CPA6: variants seen among roughly 807,000 people sequenced by gnomAD.
CPA6 encodes carboxypeptidase B.
A neutral mutation model predicts 63.3 loss-of-function variants in CPA6; 58 were observed. That is an observed-to-expected ratio of 0.92 (90% CI 0.74 to 1.14). The LOEUF (loss-of-function observed/expected upper bound fraction) is 1.14. Among genes scored for constraint, CPA6 ranks in the 50% most tolerant of loss-of-function variants. The pLI is 0.00. For synonymous variants in CPA6, 185 were observed against 179.0 expected, an observed-to-expected ratio of 1.03 and a Z score of -0.27; for missense variants, 565 against 526.6, an observed-to-expected ratio of 1.07 and a Z score of -0.71.
chr8:67,513,166 G>A (rs1046961987), intron 3 of CPA6, among the ~76,000 whole-genome samples: 4 of 152,160 alleles, frequency 2.6e-5, no homozygotes, highest in African/African-American at 9.7e-5. Context: ...TGAGTGGGAG[G>A]TTGTTGTTAG....
intron 1 of CPA6, among the ~76,000 whole-genome samples, chr8:67,733,827 G>A (rs1407766854): frequency 2.0e-5 from 3 of 149,176 alleles, no homozygotes; most frequent in Non-Finnish European, 3.0e-5. Context: ...GAGATAACTC[G>A]GGTCAAATGC....
chr8:67,720,036 G>T (rs1284707566), intron 1 of CPA6, among the ~76,000 whole-genome samples: 1 of 152,100 alleles, frequency 6.6e-6, no homozygotes, highest in Non-Finnish European at 1.5e-5. Context: ...AATCACCTGG[G>T]GGCAGGTGGG....
chr8:67,677,711 GA>G (rs1349578631), intron 1 of CPA6, among the ~76,000 whole-genome samples: 1 of 151,996 alleles, frequency 6.6e-6, no homozygotes, highest in African/African-American at 2.4e-5. Context: ...TGCTCCACTA[GA>G]AAGAAATAAT....
At chr8:67,567,420 A>C (rs1813366058) in intron 2 of CPA6, among the ~76,000 whole-genome samples, 1 of 152,238 alleles carries the variant, frequency 6.6e-6, no homozygotes, top group South Asian at 2.1e-4. Flanking sequence ...GCAATCATTG[A>C]CTTACCAATG....
Position 67,671,670 on chromosome 8 carries a change from A to G in CPA6, c.117-47419T>C, listed in dbSNP as rs185753639. Among the ~76,000 whole-genome samples the G allele has an allele frequency of 3.1e-3, 469 of 152,248 alleles. 2 individuals carry two copies. Among genetic ancestry groups the G allele is most frequent in the African/African-American group, 0.011 (444 of 41,554 alleles). On this transcript the variant is annotated intron_variant, in intron 1 of 10. Coordinates refer to ENST00000297770, the MANE Select transcript of CPA6 (RefSeq NM_020361.5). ...CAGAAGGCTTCTGAAAAATGCTTTT[A>G]TTTCCCTATTGCTAAGAAAACATTT...
intron 2 of CPA6, among the ~76,000 whole-genome samples, chr8:67,598,571 T>C (rs1814408844): frequency 6.6e-6 from 1 of 152,192 alleles, no homozygotes; most frequent in Admixed American, 6.5e-5. Context: ...TGCTGACATA[T>C]ATTTTAAAAT....
intron 2 of CPA6, among the ~76,000 whole-genome samples, chr8:67,612,127 T>A (rs1234486860): frequency 6.6e-6 from 1 of 152,200 alleles, no homozygotes; most frequent in African/African-American, 2.4e-5. Flanking sequence ...ACAAAATGAA[T>A]GGACTGTCTA....
intron 1 of CPA6, among the ~76,000 whole-genome samples, chr8:67,742,128 T>C (rs200580614): frequency 6.6e-6 from 1 of 150,568 alleles, no homozygotes; most frequent in African/African-American, 2.4e-5. Context: ...TGTTCTACTT[T>C]TGTGTGTGTG....
intron 2 of CPA6, among the ~76,000 whole-genome samples, chr8:67,577,249 A>ACT (rs1420192630): frequency 3.9e-5 from 6 of 152,180 alleles, no homozygotes; most frequent in Non-Finnish European, 8.8e-5. Flanking sequence ...CATTTCAAAG[A>ACT]CATGAGGGTA....
Position 67,637,571 on chromosome 8 carries a change from C to T in CPA6, c.117-13320G>A, listed in dbSNP as rs369192658. Among the ~76,000 whole-genome samples, 22 of 151,408 alleles carry T rather than the reference C, an allele frequency of 1.5e-4. 2 individuals carry two copies. The highest frequency in any genetic ancestry group is 2.6e-4 in the Admixed American group (4 of 15,248). On this transcript the variant is annotated intron_variant, in intron 1 of 10. Coordinates refer to ENST00000297770, the MANE Select transcript of CPA6 (RefSeq NM_020361.5). ...AAACTATTTATTCAATATTTATCCA[C>T]GTAGCAAATTATTCCATGCAAGTTT...
chr8:67,481,872 C>T (rs1811367940), intron 8 of CPA6, among the ~76,000 whole-genome samples: 1 of 152,222 alleles, frequency 6.6e-6, no homozygotes, highest in Non-Finnish European at 1.5e-5. Flanking sequence ...CAGCTGAATC[C>T]ACTCTGGAGA....
chr8:67,732,831 G>A (rs1247079499), intron 1 of CPA6, among the ~76,000 whole-genome samples: 1 of 152,100 alleles, frequency 6.6e-6, no homozygotes. Flanking sequence ...AACCAAGGGC[G>A]AGTGACTGTT....
chr8:67,461,000 A>T (rs1307996698), intron 8 of CPA6, among the ~76,000 whole-genome samples: 1 of 150,764 alleles, frequency 6.6e-6, no homozygotes, highest in Non-Finnish European at 1.5e-5. Flanking sequence ...TGGTGGGGCT[A>T]GTGAGCGGAG....
At position 67,653,538 on chromosome 8, in the gene CPA6, CTGTT is replaced by C. The variant is rs199812176; in HGVS notation, c.117-29291_117-29288del. Among the ~76,000 whole-genome samples the C allele has an allele frequency of 2.0e-5, 3 of 151,694 alleles. No individual in the cohort carries two copies. In the East Asian group the frequency reaches 5.8e-4, roughly 29 times the overall value. On this transcript the variant is annotated intron_variant, in intron 1 of 10. Transcript: ENST00000297770. ...GGGAGTTCACTCATGATTTGGCTCT[CTGTT>C]TGTCTGTTATTGGTGTATAAGAATG...
At chr8:67,569,567 A>C in intron 2 of CPA6, 1 of 466,128 alleles carries the variant, frequency 2.1e-6, no homozygotes, top group South Asian at 1.7e-5. Context: ...ACCACACAAC[A>C]AGCCCAGTTG....
At chr8:67,573,145 A>T (rs990703337) in intron 2 of CPA6, among the ~76,000 whole-genome samples, 1 of 152,250 alleles carries the variant, frequency 6.6e-6, no homozygotes, top group African/African-American at 2.4e-5. Flanking sequence ...AGCCATATAT[A>T]ACAAGCCCAC....
intron 8 of CPA6, among the ~76,000 whole-genome samples, chr8:67,457,085 G>T (rs945682751): frequency 2.0e-5 from 3 of 152,206 alleles, no homozygotes; most frequent in African/African-American, 7.2e-5. Context: ...AACTGTAAAA[G>T]AACACATTTG....
chr8:67,470,175 A>C (rs964949384), intron 8 of CPA6, among the ~76,000 whole-genome samples: 1 of 151,894 alleles, frequency 6.6e-6, no homozygotes, highest in Non-Finnish European at 1.5e-5. Context: ...GATTACGGGC[A>C]TGCACCACCA....
At chr8:67,644,797 C>T (rs1815679266) in intron 1 of CPA6, among the ~76,000 whole-genome samples, 1 of 152,142 alleles carries the variant, frequency 6.6e-6, no homozygotes, top group South Asian at 2.1e-4. Flanking sequence ...CTTGGCCCAG[C>T]TGTCATTAAG....
Sources: gnomAD v4.1 joint callset for allele counts (sites outside exome capture counted in the v4.1 genomes callset) on GRCh38, gnomAD v4.1.1 for gene constraint, MANE v1.5 for transcripts, NCBI Gene and HGNC (gene_info 2026-07-23, HGNC 2026-07-21) for gene names.